Variants in CELSR1 observed in about 807,000 individuals in gnomAD.
CELSR1 encodes the protein cadherin EGF LAG seven-pass G-type receptor 1, also known as adhesion G protein-coupled receptor C1.
Under a neutral mutation model 249.1 loss-of-function variants are expected in CELSR1, and 110 were observed. The ratio of observed to expected loss-of-function variants is 0.44; its 90% CI spans 0.38 to 0.52. The LOEUF is 0.52. CELSR1 is among the 20% of genes least tolerant of loss of function. CELSR1 has a pLI of 0.00. For synonymous variants in CELSR1, 2,113 were observed against 1,900.0 expected (o/e 1.11, Z -2.92); for missense variants, 4,109 against 4,296.4 (o/e 0.96, Z 1.22).
chr22:46,536,424 G>C lies in CELSR1; in HGVS notation c.747C>G (p.Asn249Lys). The change falls in exon 1 of 35, where the codon AAC becomes AAG. Residue 249 changes from asparagine (N) to lysine (K), a missense_variant. Coordinates refer to ENST00000674500, the MANE Select transcript of CELSR1 (RefSeq NM_001378328.1). ...CGTTCTCAAACAACGCCACCTGGTA[G>C]TTGGGCATCGGAAACTTCAGGCTCC... is the stretch of plus-strand genomic sequence containing the variant. ...GRGSLKFPMPNYQVALFENEP... is the reference protein window; with the variant it reads ...GRGSLKFPMPKYQVALFENEP... 1 of 1,612,410 alleles carries C rather than the reference G, an allele frequency of 6.2e-7. No homozygotes were observed. Among genetic ancestry groups the C allele is most frequent in the Non-Finnish European group, 8.5e-7 (1 of 1,179,690 alleles).
rs1460814700 is a variant in CELSR1, at chr22:46,446,164, C to T, written c.4184-6753G>A. On this transcript the variant is annotated intron_variant, in intron 2 of 34. Coordinates refer to ENST00000674500, the MANE Select transcript of CELSR1 (RefSeq NM_001378328.1). The surrounding 1 kb of genome is among the most constrained non-coding windows in gnomAD (Gnocchi z 5.5). ...CACCATACTCACGAGCCTGTGCCGGCCCCACTGTCTCCCTCCTCCCAGGGC... is the reference window on the plus strand; with the variant it reads ...CACCATACTCACGAGCCTGTGCCGGTCCCACTGTCTCCCTCCTCCCAGGGC... 6.6e-6 allele frequency among the ~76,000 whole-genome samples: 1 copy of T among 152,168 alleles called. No homozygotes were observed. Among genetic ancestry groups the T allele is most frequent in the Non-Finnish European group, 1.5e-5 (1 of 68,022 alleles).
rs775135496 is a variant in CELSR1 at position 46,533,745 on chromosome 22, G to C, written c.3426C>G (p.Phe1142Leu). The C allele has an allele frequency of 3.1e-6, 5 of 1,613,392 alleles. No individual in the cohort carries two copies. The highest frequency in any genetic ancestry group is 3.4e-6 in the Non-Finnish European group (4 of 1,180,024). The change falls in exon 1 of 35, where the codon TTC becomes TTG. Residue 1142 changes from phenylalanine to leucine, a missense_variant. Physicochemically the swap from Phe to Leu is conservative, Grantham distance 22. This residue lies in a region of CELSR1 where 886 missense variants were observed against 896.5 expected (regional missense o/e 0.99). Transcript: ENST00000674500. ...ACAGGCGCAGCTCGTTGCCCTGCAC[G>C]AAGGTGTAGTTGAGGCTGTCTGACA... ...PDVSDSLNYT[F>L]VQGNELRLLL...
intron 5 of CELSR1, among the ~76,000 whole-genome samples, chr22:46,415,785 G>A (rs374900801): frequency 3.9e-5 from 6 of 152,288 alleles, no homozygotes; most frequent in South Asian, 2.1e-4. Context: ...GTGATAAAAC[G>A]CAGTCAGAGA....
rs777799571 is a variant in CELSR1 at position 46,367,734 on chromosome 22, A to G, written c.8074T>C (p.Leu2692=). Residue 2692 remains leucine, a synonymous_variant, in exon 28 of 35, where the codon TTA becomes CTA. Coordinates refer to ENST00000674500, the MANE Select transcript of CELSR1 (RefSeq NM_001378328.1). ...GCAACTCGGCCGTCACCTACCTGTA[A>G]GCCGCTGAAGATGGCGAAGAGGTAG... ...FHYLFAIFSG[L]QGPFVLLFHC... 1.9e-5 allele frequency: 30 copies of G among 1,598,214 alleles called. No individual in the cohort carries two copies. In the South Asian group the frequency reaches 3.3e-4, roughly 18 times the overall value.
In CELSR1 at chr22:46,534,460, T is replaced by C. The variant is rs1369920179; in HGVS notation, c.2711A>G (p.Asp904Gly). ...WDFYQGSIFE[D>G]APPSTSILQV... ...GAGGATGCTGGTCGAGGGTGGAGCA[T>C]CCTCAAAGATGGAACCCTGGTAGAA... The change falls in exon 1 of 35, where the codon GAT (aspartate) becomes GGT (glycine). Residue 904 changes from aspartate to glycine, a missense_variant. By Grantham distance (94) the Asp-to-Gly change is moderately conservative. This residue lies in a region of CELSR1 where 886 missense variants were observed against 896.5 expected (regional missense o/e 0.99). Coordinates refer to ENST00000674500, the MANE Select transcript of CELSR1 (RefSeq NM_001378328.1). This position sits in a 1 kb window ranked among gnomAD's most constrained non-coding sequence, Gnocchi z 9.7. 6.2e-7 allele frequency: 1 copy of C among 1,612,986 alleles called. No homozygotes were observed. The highest frequency in any genetic ancestry group is 1.3e-5 in the African/African-American group (1 of 75,036).
At chr22:46,524,990 G>A (rs556411084) in intron 1 of CELSR1, among the ~76,000 whole-genome samples, 83 of 152,094 alleles carry the variant, frequency 5.5e-4, no homozygotes, top group Admixed American at 3.6e-3. Flanking sequence ...AATCCACACC[G>A]CCTACCAGGC....
At chr22:46,466,077 CA>C (rs1466791390) in intron 1 of CELSR1, among the ~76,000 whole-genome samples, 1 of 152,232 alleles carries the variant, frequency 6.6e-6, no homozygotes, top group Non-Finnish European at 1.5e-5. Flanking sequence ...GGGCAACTCC[CA>C]CAGAGCACCT....
At position 46,410,662 on chromosome 22, in the gene CELSR1, C is replaced by T; in HGVS notation, c.4770-101G>A. 2 of 1,248,624 alleles carry T rather than the reference C, an allele frequency of 1.6e-6. No homozygotes were observed. The highest frequency in any genetic ancestry group is 2.2e-6 in the Non-Finnish European group (2 of 889,006). 77.3% of individuals were successfully genotyped at this position (1,248,624 alleles called of 1,614,324 possible). On this transcript the variant is annotated intron_variant, in intron 6 of 34. Transcript: ENST00000674500. The surrounding 1 kb of genome is among the most constrained non-coding windows in gnomAD (Gnocchi z 6.8). ...CTCTGTGTAGCCTCTACCACCATAA[C>T]TACTTCAGAAACCAAGCAGACAGGC...
Position 46,372,739 on chromosome 22 carries a change from G to A in CELSR1, c.7759+144C>T, listed in dbSNP as rs1266376192. The A allele has an allele frequency of 4.9e-6, 5 of 1,023,034 alleles. No homozygotes were observed. In the African/African-American group the frequency reaches 8.0e-5, roughly 16 times the overall value. 63.4% of individuals were successfully genotyped at this position (1,023,034 alleles called of 1,614,324 possible). A position where few individuals can be genotyped will look rare whatever the true frequency, so the allele number is the denominator to read the frequency against. ...GAGTGCCCCTGTGCATGCACTCGCA[G>A]TGTGCAGGGCCGAGGCCTCCTCTGC... On this transcript the variant is annotated intron_variant, in intron 25 of 34. Coordinates refer to ENST00000674500, the MANE Select transcript of CELSR1 (RefSeq NM_001378328.1).
chr22:46,499,396 C>T (rs1046061359), intron 1 of CELSR1, among the ~76,000 whole-genome samples: 1 of 152,078 alleles, frequency 6.6e-6, no homozygotes, highest in Non-Finnish European at 1.5e-5. Context: ...ACTTAGTACC[C>T]ATCAGATTGG....
chr22:46,373,676 T>TGGGGGAGAA (rs1163452226), intron 24 of CELSR1, among the ~76,000 whole-genome samples: 667 of 26,202 alleles, frequency 0.025, 39 homozygotes, highest in African/African-American at 0.064. Flanking sequence ...AAGGGGGAGA[T>TGGGGGAGAA]GGGGGAGATG....
rs536587145 is a variant in CELSR1 at position 46,445,323 on chromosome 22, G to A, written c.4184-5912C>T. Among the ~76,000 whole-genome samples, 78 of 151,974 alleles carry A rather than the reference G, an allele frequency of 5.1e-4. No homozygotes were observed. The highest frequency in any genetic ancestry group is 9.7e-4 in the East Asian group (5 of 5,142). On this transcript the variant is annotated intron_variant, in intron 2 of 34. Transcript: ENST00000674500. The surrounding 1 kb of genome is among the most constrained non-coding windows in gnomAD (Gnocchi z 4.4). ...AGCCTGGCCAATGTGACAAAACCCC[G>A]TCTCTACTAAAAATATAAAAATTAG...
chr22:46,475,476 T>G (rs1041207279), intron 1 of CELSR1, among the ~76,000 whole-genome samples: 4 of 151,446 alleles, frequency 2.6e-5, no homozygotes, highest in African/African-American at 9.7e-5. Flanking sequence ...GGGAGGGCTG[T>G]GGGGAGGTGG....
Position 46,437,747 on chromosome 22 carries a change from C to T in CELSR1, c.4406+1442G>A, listed in dbSNP as rs980813274. On this transcript the variant is annotated intron_variant, in intron 3 of 34. Transcript: ENST00000674500. The surrounding 1 kb of genome is among the most constrained non-coding windows in gnomAD (Gnocchi z 4.9). ...CCAGCCTGGCAACAAAGCAAGACTC[C>T]GTCTCAAAAAAAAAAAAAAAACTGA... 4.8e-5 allele frequency among the ~76,000 whole-genome samples: 7 copies of T among 145,572 alleles called. No individual in the cohort carries two copies. Among genetic ancestry groups the T allele is most frequent in the Admixed American group, 1.3e-4 (2 of 14,912 alleles).
intron 25 of CELSR1, 97 bp downstream of exon 25, chr22:46,372,786 G>A: frequency 1.4e-6 from 2 of 1,435,708 alleles, no homozygotes; most frequent in Non-Finnish European, 9.4e-7. Context: ...CAAGCATTGG[G>A]GCTGGGCAGG....
chr22:46,369,323 G>C (rs2147175712), intron 26 of CELSR1, 65 bp from the exon 27 acceptor site: 1 of 1,392,058 alleles, frequency 7.2e-7, no homozygotes, highest in East Asian at 2.3e-5. Flanking sequence ...ACTGCCAAAA[G>C]CGCCTGAGGC....
rs1027671655 is a variant in CELSR1, at chr22:46,484,581, C to A, written c.3545-20236G>T. ...AGAGCTGGGGGCAGCCCGGGACAGC[C>A]TGGCAAGGGGCAGCTGCGCTCACAT... On this transcript the variant is annotated intron_variant, in intron 1 of 34. Coordinates refer to ENST00000674500, the MANE Select transcript of CELSR1 (RefSeq NM_001378328.1). This position sits in a 1 kb window ranked among gnomAD's most constrained non-coding sequence, Gnocchi z 4.5. Among the ~76,000 whole-genome samples, 25 of 150,454 alleles carry A rather than the reference C, an allele frequency of 1.7e-4. No homozygotes were observed. The highest frequency in any genetic ancestry group is 5.6e-4 in the African/African-American group (23 of 41,068).
chr22:46,398,550 G>T lies in CELSR1; in HGVS notation c.5500C>A (p.Arg1834Ser), dbSNP rs748872972. ...GGASEDKVSV[R>S]RGFRGCMQGV... is the part of the protein sequence containing the mutation. ...TGCATGCAGCCTCGGAATCCACGGCGCACGGAGACCTTGTCTTCAGAGGCG... is the reference window on the plus strand; with the variant it reads ...TGCATGCAGCCTCGGAATCCACGGCTCACGGAGACCTTGTCTTCAGAGGCG... Residue 1834 changes from arginine to serine, a missense_variant, in exon 11 of 35, where the codon CGC becomes AGC. By Grantham distance (110) the Arg-to-Ser change is moderately radical. Coordinates refer to ENST00000674500, the MANE Select transcript of CELSR1 (RefSeq NM_001378328.1). The surrounding 1 kb of genome is among the most constrained non-coding windows in gnomAD (Gnocchi z 7.2). 1 of 1,612,804 alleles carries T rather than the reference G, an allele frequency of 6.2e-7. No homozygotes were observed.
chr22:46,532,722 A>C (rs1470608187), intron 1 of CELSR1, among the ~76,000 whole-genome samples: 1 of 152,108 alleles, frequency 6.6e-6, no homozygotes, highest in Non-Finnish European at 1.5e-5. Context: ...GGTCAGGCAA[A>C]CCTCAAAGAG....
Sources: gnomAD v4.1 joint callset for allele counts (sites outside exome capture counted in the v4.1 genomes callset) on GRCh38, gnomAD v4.1.1 for gene constraint, gnomAD v4.1.1 regional missense constraint, Gnocchi (gnomAD v3.1) non-coding constraint, MANE v1.5 for transcripts, NCBI Gene and HGNC (gene_info 2026-07-23, HGNC 2026-07-21) for gene names.